ADGRB3: variants seen among roughly 807,000 people sequenced by gnomAD.
The protein encoded by ADGRB3 is brain-specific angiogenesis inhibitor 3.
Under a neutral mutation model 193.4 loss-of-function variants are expected in ADGRB3, and 37 were observed. The ratio of observed to expected loss-of-function variants is 0.19; its 90% CI spans 0.15 to 0.25. The LOEUF is 0.25. Among genes scored for constraint, ADGRB3 ranks in the 10% least tolerant of loss-of-function variants. The pLI, the probability that ADGRB3 is intolerant of heterozygous loss-of-function variation, is 1.00. For missense variants in ADGRB3, 1,637 were observed against 1,852.9 expected (o/e 0.88, Z 2.14); for synonymous variants, 690 against 644.2 (o/e 1.07, Z -1.08).
chr6:69,352,128 T>C (rs1332158274), intron 26 of ADGRB3, among the ~76,000 whole-genome samples: 1 of 152,184 alleles, frequency 6.6e-6, no homozygotes, highest in Non-Finnish European at 1.5e-5. Context: ...TTCTTAATGG[T>C]TTCCCCAAAT....
chr6:69,142,773 A>G (rs528448247), intron 17 of ADGRB3, among the ~76,000 whole-genome samples: 2 of 152,290 alleles, frequency 1.3e-5, no homozygotes, highest in South Asian at 2.1e-4. Flanking sequence ...ATGTCTCCTC[A>G]TGTCTGTGAG....
At chr6:69,221,542 G>A (rs1256419796) in intron 17 of ADGRB3, among the ~76,000 whole-genome samples, 1 of 150,104 alleles carries the variant, frequency 6.7e-6, no homozygotes, top group Non-Finnish European at 1.5e-5. Context: ...GTCAACTGAA[G>A]CAGCTACTCT....
chr6:68,885,473 C>A (rs546349910), intron 3 of ADGRB3, among the ~76,000 whole-genome samples: 3 of 152,260 alleles, frequency 2.0e-5, no homozygotes, highest in South Asian at 2.1e-4. Context: ...ACCACACATA[C>A]TTGTTTCTTT....
intron 17 of ADGRB3, among the ~76,000 whole-genome samples, chr6:69,223,340 T>A (rs1053409365): frequency 6.6e-6 from 1 of 152,136 alleles, no homozygotes; most frequent in African/African-American, 2.4e-5. Flanking sequence ...ATCCCAGAAC[T>A]AATGAAGCAG....
rs75549595 is a variant in ADGRB3 at position 68,710,328 on chromosome 6, C to T, written c.757+70896C>T. 3.6e-3 allele frequency among the ~76,000 whole-genome samples: 544 copies of T among 152,198 alleles called. 2 individuals carry two copies. The highest frequency in any genetic ancestry group is 0.011 in the African/African-American group (469 of 41,550). On this transcript the variant is annotated intron_variant, in intron 3 of 31. Coordinates refer to ENST00000370598, the MANE Select transcript of ADGRB3 (RefSeq NM_001704.3). ...TGTGGGTTTCTGTTTTCCTTCCCTCCGGCTCACCAGGCTCCCACCTCTTCT... is the reference window on the plus strand; with the variant it reads ...TGTGGGTTTCTGTTTTCCTTCCCTCTGGCTCACCAGGCTCCCACCTCTTCT...
chr6:69,001,945 A>G (rs925245712), intron 11 of ADGRB3, among the ~76,000 whole-genome samples: 3 of 152,216 alleles, frequency 2.0e-5, no homozygotes, highest in South Asian at 2.1e-4. Flanking sequence ...ACACTCTGGT[A>G]TTCTCCATTA....
At chr6:68,945,935 A>G (rs1767765131) in intron 6 of ADGRB3, among the ~76,000 whole-genome samples, 4 of 152,146 alleles carry the variant, frequency 2.6e-5, no homozygotes, top group Admixed American at 2.0e-4. Flanking sequence ...TCTAAGTCCA[A>G]TAAAATCAGA....
At chr6:69,008,974 G>A (rs1769854224) in intron 11 of ADGRB3, among the ~76,000 whole-genome samples, 1 of 151,936 alleles carries the variant, frequency 6.6e-6, no homozygotes, top group South Asian at 2.1e-4. Flanking sequence ...AGAGGAGGGT[G>A]TTGAATCAAA....
intron 17 of ADGRB3, among the ~76,000 whole-genome samples, chr6:69,150,316 C>T (rs1561934996): frequency 6.6e-6 from 1 of 152,164 alleles, no homozygotes. Context: ...CCATGCAAAC[C>T]ACAAGACAAA....
At chr6:69,225,109 T>C (rs1206506573) in intron 17 of ADGRB3, among the ~76,000 whole-genome samples, 1 of 152,166 alleles carries the variant, frequency 6.6e-6, no homozygotes, top group Non-Finnish European at 1.5e-5. Context: ...TTGACAAAAA[T>C]ATAATTTTTT....
intron 4 of ADGRB3, among the ~76,000 whole-genome samples, chr6:68,934,356 C>T (rs1767428896): frequency 6.6e-6 from 1 of 152,148 alleles, no homozygotes; most frequent in Non-Finnish European, 1.5e-5. Flanking sequence ...ATTGCAGTAT[C>T]ATACATTCAG....
intron 3 of ADGRB3, among the ~76,000 whole-genome samples, chr6:68,816,306 G>A (rs1482568965): frequency 1.3e-5 from 2 of 151,892 alleles, no homozygotes; most frequent in Non-Finnish European, 2.9e-5. Flanking sequence ...TCATGAAAAT[G>A]ATTAAGAATC....
At chr6:69,179,664 T>C (rs1452706699) in intron 17 of ADGRB3, among the ~76,000 whole-genome samples, 1 of 152,194 alleles carries the variant, frequency 6.6e-6, no homozygotes, top group Admixed American at 6.5e-5. Context: ...GATAATATTA[T>C]TGCTTGTTTC....
chr6:68,772,854 A>AAAAC (rs1190873461), intron 3 of ADGRB3, among the ~76,000 whole-genome samples: 32 of 66,508 alleles, frequency 4.8e-4, no homozygotes, highest in South Asian at 1.6e-3. Flanking sequence ...CCTATTTCTA[A>AAAAC]AAACAAACAA....
chr6:69,016,108 C>T (rs1305921100), intron 12 of ADGRB3, among the ~76,000 whole-genome samples: 2 of 151,886 alleles, frequency 1.3e-5, no homozygotes, highest in Non-Finnish European at 2.9e-5. Flanking sequence ...TATATACGGT[C>T]GTTTTGGTGC....
At chr6:69,359,762 T>C (rs1218553674) in intron 28 of ADGRB3, among the ~76,000 whole-genome samples, 2 of 151,962 alleles carry the variant, frequency 1.3e-5, no homozygotes, top group South Asian at 2.1e-4. Flanking sequence ...TTTTAAATGA[T>C]GATTGCTCTA....
chr6:69,143,167 C>T (rs979452043), intron 17 of ADGRB3, among the ~76,000 whole-genome samples: 1 of 152,094 alleles, frequency 6.6e-6, no homozygotes, highest in Non-Finnish European at 1.5e-5. Context: ...ACCAGTTTGC[C>T]ATTTGTACGT....
At chr6:69,053,727 A>G (rs974033874) in intron 15 of ADGRB3, among the ~76,000 whole-genome samples, 1 of 152,240 alleles carries the variant, frequency 6.6e-6, no homozygotes, top group Non-Finnish European at 1.5e-5. Context: ...GCAAGCTCGT[A>G]AACTGCTCTG....
At chr6:68,679,975 G>A (rs1764852252) in intron 3 of ADGRB3, among the ~76,000 whole-genome samples, 1 of 152,152 alleles carries the variant, frequency 6.6e-6, no homozygotes, top group Non-Finnish European at 1.5e-5. Flanking sequence ...CCTTCAGGAA[G>A]TGATTAGGTG....
Sources: gnomAD v4.1 joint callset for allele counts (sites outside exome capture counted in the v4.1 genomes callset) on GRCh38, gnomAD v4.1.1 for gene constraint, MANE v1.5 for transcripts, NCBI Gene and HGNC (gene_info 2026-07-23, HGNC 2026-07-21) for gene names.